Variants in RPS10 observed in about 807,000 individuals in gnomAD.
RPS10 encodes small ribosomal subunit protein eS10.
Under a neutral mutation model 22.6 loss-of-function variants are expected in RPS10, and 2 were observed. That is an observed-to-expected ratio of 0.09 (90% confidence interval 0.04 to 0.28). The LOEUF (loss-of-function observed/expected upper bound fraction) is 0.28, where lower values mean the gene tolerates loss of function less well. Among genes scored for constraint, RPS10 ranks in the 10% least tolerant of loss-of-function variants. RPS10 has a pLI of 1.00. For missense variants in RPS10, 137 were observed against 222.2 expected, an observed-to-expected ratio of 0.62 and a Z score of 2.44; for synonymous variants, 70 against 75.9, an observed-to-expected ratio of 0.92 and a Z score of 0.40.
chr6:34,419,825 G>A (rs1414527831), intron 4 of RPS10, among the ~76,000 whole-genome samples: 1 of 152,042 alleles, frequency 6.6e-6, no homozygotes, highest in East Asian at 1.9e-4. Context: ...TGATCTGCCC[G>A]CCTCGGCCTC....
intron 3 of RPS10, 24 bp downstream of exon 3, chr6:34,424,645 A>G (rs748366614): frequency 5.6e-6 from 9 of 1,613,920 alleles, no homozygotes; most frequent in Non-Finnish European, 7.6e-6. Flanking sequence ...CAAATAGCTG[A>G]AGGGATTTGT....
At chr6:34,421,653 C>T (rs1350698945) in intron 4 of RPS10, 77 bp downstream of exon 4, 2 of 1,528,802 alleles carry the variant, frequency 1.3e-6, no homozygotes, top group African/African-American at 2.7e-5. Context: ...GGGCTGAGCC[C>T]CACCCAGCCA....
At chr6:34,418,092 C>A in intron 5 of RPS10, 1 of 1,246,130 alleles carries the variant, frequency 8.0e-7, no homozygotes, top group Non-Finnish European at 1.1e-6. Context: ...AGCCCACCCA[C>A]CTTCCAGTGT....
At chr6:34,420,901 G>C (rs973282837) in intron 4 of RPS10, among the ~76,000 whole-genome samples, 6 of 151,456 alleles carry the variant, frequency 4.0e-5, no homozygotes, top group African/African-American at 1.5e-4. Context: ...CCAGCTACTC[G>C]GGAGGCTGAG....
intron 4 of RPS10, among the ~76,000 whole-genome samples, chr6:34,420,454 G>C (rs576934508): frequency 2.0e-5 from 3 of 152,154 alleles, no homozygotes; most frequent in Non-Finnish European, 2.9e-5. Context: ...CTGACCTCAA[G>C]TGATCCACCT....
chr6:34,418,201 T>C, intron 5 of RPS10, 168 bp downstream of exon 5: 22 of 1,517,772 alleles, frequency 1.4e-5, no homozygotes, highest in Non-Finnish European at 1.9e-5. Flanking sequence ...TTACAAAAGT[T>C]TGCATGCTAC....
chr6:34,422,736 G>A (rs959522897), intron 3 of RPS10, among the ~76,000 whole-genome samples: 1 of 151,344 alleles, frequency 6.6e-6, no homozygotes, highest in Non-Finnish European at 1.5e-5. Context: ...TGGGATTACA[G>A]GTGTGAGCCA....
chr6:34,421,753 G>A lies in RPS10; in HGVS notation c.377C>T (p.Thr126Ile), dbSNP rs1170462071. ...RLTRGEADRD[T>I]YRRSAVPPGA... ...ACGTGGCACAGCACTCCGTCTGTAGGTATCTCTGTCAGCTTCCCCTCTTGT... is the reference window on the plus strand; with the variant it reads ...ACGTGGCACAGCACTCCGTCTGTAGATATCTCTGTCAGCTTCCCCTCTTGT... Residue 126 changes from threonine to isoleucine, a missense_variant, in exon 4 of 6, where the codon ACC becomes ATC. Coordinates refer to ENST00000648437, the MANE Select transcript of RPS10 (RefSeq NM_001014.5). The A allele has an allele frequency of 1.2e-6, 2 of 1,613,712 alleles. No individual in the cohort carries two copies. Among genetic ancestry groups the A allele is most frequent in the Middle Eastern group, 1.6e-4 (1 of 6,068 alleles).
At chr6:34,420,148 T>G (rs1001925956) in intron 4 of RPS10, among the ~76,000 whole-genome samples, 2 of 152,202 alleles carry the variant, frequency 1.3e-5, no homozygotes, top group African/African-American at 4.8e-5. Context: ...TTGTATTAGA[T>G]CTATGGCTCA....
At chr6:34,424,539 G>T in intron 3 of RPS10, 130 bp downstream of exon 3, 1 of 1,272,808 alleles carries the variant, frequency 7.9e-7, no homozygotes, top group Non-Finnish European at 1.1e-6. Context: ...ATGGGACAAA[G>T]GTTCTAGCAC....
rs374054645 is a variant in RPS10, at chr6:34,425,271, G to T, written c.1-50C>A. 1.6e-5 allele frequency: 25 copies of T among 1,558,492 alleles called. No individual in the cohort carries two copies. The African/African-American group carries it at 3.0e-4, about 19-fold the overall frequency. On this transcript the variant is annotated intron_variant, in intron 1 of 5. Transcript: ENST00000648437. ...GAGCACTTCTGAGTAACGAGGCCGG[G>T]GCCCGGTAATCAAGTTCTTGATCCT...
intron 1 of RPS10, chr6:34,425,519 G>GT (rs1765927220): frequency 7.8e-6 from 3 of 382,458 alleles, no homozygotes; most frequent in Non-Finnish European, 1.5e-5. Flanking sequence ...AGCAAACCCT[G>GT]TATTATCGGG....
In RPS10 at chr6:34,422,586, A is replaced by G. The variant is rs111811057; in HGVS notation, c.323-779T>C. ...CGCCTTGGCCTTCCAAAGTGATGGGATTATAGGCACGAGCCACCACGCCCA... is the reference window on the plus strand; with the variant it reads ...CGCCTTGGCCTTCCAAAGTGATGGGGTTATAGGCACGAGCCACCACGCCCA... On this transcript the variant is annotated intron_variant, in intron 3 of 5. Coordinates refer to ENST00000648437, the MANE Select transcript of RPS10 (RefSeq NM_001014.5). Among the ~76,000 whole-genome samples, 503 of 152,178 alleles carry G rather than the reference A, an allele frequency of 3.3e-3. 4 individuals carry two copies. The highest frequency in any genetic ancestry group is 0.027 in the Middle Eastern group (8 of 294).
At chr6:34,420,764 TGGCAGGCTGA>T (rs1765733721) in intron 4 of RPS10, among the ~76,000 whole-genome samples, 1 of 151,986 alleles carries the variant, frequency 6.6e-6, no homozygotes, top group Non-Finnish European at 1.5e-5. Flanking sequence ...CCCAGCACTT[TGGCAGGCTGA>T]GGCGGGCGGA....
intron 5 of RPS10, chr6:34,417,943 C>T (rs943934174): frequency 2.8e-6 from 2 of 718,662 alleles, no homozygotes; most frequent in Admixed American, 2.0e-5. Flanking sequence ...CCTGGATTAA[C>T]TAATCTCACA....
At chr6:34,424,942 C>T in intron 2 of RPS10, 102 bp from the exon 3 acceptor site, 3 of 1,606,666 alleles carry the variant, frequency 1.9e-6, no homozygotes, top group East Asian at 2.2e-5. Flanking sequence ...AAGCAGCCCC[C>T]GCAGTCCTGA....
chr6:34,418,721 G>A (rs1487510776), intron 4 of RPS10, among the ~76,000 whole-genome samples: 1 of 152,036 alleles, frequency 6.6e-6, no homozygotes, highest in Non-Finnish European at 1.5e-5. Flanking sequence ...GCAGCATCTA[G>A]ATAACAAAGG....
intron 5 of RPS10, chr6:34,418,031 C>T (rs1554163282): frequency 5.5e-6 from 4 of 730,670 alleles, no homozygotes; most frequent in Non-Finnish European, 9.0e-6. Context: ...CCTAACATTA[C>T]ATCAACTGAA....
intron 3 of RPS10, among the ~76,000 whole-genome samples, chr6:34,424,043 G>C (rs532309565): frequency 5.0e-5 from 7 of 141,090 alleles, no homozygotes; most frequent in Admixed American, 4.6e-4. Flanking sequence ...AGCTCCTACA[G>C]AGTTTTGTAA....
Sources: gnomAD v4.1 joint callset for allele counts (sites outside exome capture counted in the v4.1 genomes callset) on GRCh38, gnomAD v4.1.1 for gene constraint, MANE v1.5 for transcripts, NCBI Gene and HGNC (gene_info 2026-07-23, HGNC 2026-07-21) for gene names.